Variants in NMRK1 observed in about 807,000 individuals in gnomAD.
NMRK1 encodes NRK 1.
In NMRK1, 28 loss-of-function variants were observed where a neutral mutation model predicts 29.9. That is an observed-to-expected ratio of 0.94 (90% CI 0.69 to 1.28). NMRK1 has a LOEUF of 1.28. Among genes scored for constraint, NMRK1 ranks in the 50% most tolerant of loss-of-function variants. The probability of loss-of-function intolerance (pLI) is 0.00; values close to 1 mark genes in which losing one functional copy is unlikely to be tolerated. For synonymous variants in NMRK1, 58 were observed against 73.0 expected, an observed-to-expected ratio of 0.79 and a Z score of 1.05; for missense variants, 218 against 233.1, an observed-to-expected ratio of 0.94 and a Z score of 0.42.
At chr9:75,080,603 G>A (rs1007371461) in intron 2 of NMRK1, among the ~76,000 whole-genome samples, 3 of 152,186 alleles carry the variant, frequency 2.0e-5, no homozygotes, top group Non-Finnish European at 4.4e-5. Context: ...AGTGAGCCGA[G>A]ATTGCACCAC....
chr9:75,068,895 C>T, intron 7 of NMRK1, 101 bp downstream of exon 7: 1 of 717,442 alleles, frequency 1.4e-6, no homozygotes, highest in South Asian at 1.9e-5. Context: ...AGTGTTCTTG[C>T]TTAAGCATCC....
At chr9:75,068,954 G>T (rs1405566465) in intron 7 of NMRK1, 42 bp downstream of exon 7, 7 of 1,341,070 alleles carry the variant, frequency 5.2e-6, no homozygotes, top group Non-Finnish European at 7.5e-6. Context: ...TGAGGCAAAT[G>T]ACAAGTAAAA....
At chr9:75,085,076 T>G (rs1824540609) in intron 1 of NMRK1, among the ~76,000 whole-genome samples, 1 of 152,228 alleles carries the variant, frequency 6.6e-6, no homozygotes, top group Non-Finnish European at 1.5e-5. Flanking sequence ...GTTCTTTCTC[T>G]TACAAAACTA....
Position 75,066,755 on chromosome 9 carries a change from A to C in NMRK1, c.580+2T>G. The C allele has an allele frequency of 6.5e-7, 1 of 1,542,800 alleles. No homozygotes were observed. The highest frequency in any genetic ancestry group is 9.0e-7 in the Non-Finnish European group (1 of 1,115,132). ...CATCCACTTTGTTAGCACAATACTTACACTTTTGCTTTGCTAGTTCTTGTA... is the reference window on the plus strand; with the variant it reads ...CATCCACTTTGTTAGCACAATACTTCCACTTTTGCTTTGCTAGTTCTTGTA... On this transcript the variant is annotated splice_donor_variant, in intron 8 of 8. Transcript: ENST00000361092. LOFTEE classifies it high-confidence loss of function.
intron 3 of NMRK1, 140 bp from the exon 4 acceptor site, chr9:75,077,347 T>C (rs1332451995): frequency 3.6e-6 from 3 of 838,226 alleles, no homozygotes; most frequent in Non-Finnish European, 5.9e-6. Flanking sequence ...TGCCATCTAG[T>C]GGATAAGTAA....
At chr9:75,082,446 A>G (rs897308483) in intron 2 of NMRK1, among the ~76,000 whole-genome samples, 3 of 152,254 alleles carry the variant, frequency 2.0e-5, no homozygotes, top group Admixed American at 2.0e-4. Flanking sequence ...TAATTGGGTC[A>G]CAAACAATGT....
At chr9:75,067,957 C>T (rs1454886865) in intron 7 of NMRK1, among the ~76,000 whole-genome samples, 2 of 152,200 alleles carry the variant, frequency 1.3e-5, no homozygotes, top group Non-Finnish European at 2.9e-5. Context: ...GTGCCCTATT[C>T]CAGTGATCTG....
intron 3 of NMRK1, 53 bp from the exon 4 acceptor site, chr9:75,077,260 C>G: frequency 8.4e-7 from 1 of 1,193,976 alleles, no homozygotes; most frequent in Non-Finnish European, 1.2e-6. Context: ...AGAAATAATA[C>G]AATTATAGAC....
chr9:75,066,009 A>C (rs1823317074), intron 8 of NMRK1, among the ~76,000 whole-genome samples: 2 of 152,154 alleles, frequency 1.3e-5, no homozygotes, highest in African/African-American at 4.8e-5. Flanking sequence ...ATAAACCCTA[A>C]ATAGAAAGTA....
chr9:75,062,437 GGTCAAT>G (rs1823077209), intron 8 of NMRK1, among the ~76,000 whole-genome samples: 1 of 151,882 alleles, frequency 6.6e-6, no homozygotes, highest in African/African-American at 2.4e-5. Flanking sequence ...TGTACTAAAG[GGTCAAT>G]GTCAAGTCTT....
At chr9:75,080,467 C>T (rs1458250249) in intron 2 of NMRK1, among the ~76,000 whole-genome samples, 1 of 152,162 alleles carries the variant, frequency 6.6e-6, no homozygotes, top group East Asian at 1.9e-4. Context: ...GCCTGGTCAA[C>T]ATGGTGAAAC....
chr9:75,074,910 G>A (rs1422601136), intron 4 of NMRK1, among the ~76,000 whole-genome samples: 1 of 152,150 alleles, frequency 6.6e-6, no homozygotes, highest in Non-Finnish European at 1.5e-5. Flanking sequence ...TGAGATGCTT[G>A]AAGTCATGGC....
chr9:75,079,277 G>C (rs146283049), intron 2 of NMRK1, among the ~76,000 whole-genome samples: 153 of 152,298 alleles, frequency 1.0e-3, no homozygotes, highest in African/African-American at 3.6e-3. Context: ...AAGTGAGTGG[G>C]TGCTACCCTA....
chr9:75,077,779 G>A (rs1389384247), intron 2 of NMRK1, among the ~76,000 whole-genome samples, 199 bp from the exon 3 acceptor site: 1 of 152,084 alleles, frequency 6.6e-6, no homozygotes, highest in Admixed American at 6.5e-5. Flanking sequence ...GGGATTACAG[G>A]TGCCCGCCAC....
intron 2 of NMRK1, among the ~76,000 whole-genome samples, chr9:75,078,166 T>C (rs1184343854): frequency 6.6e-6 from 1 of 152,164 alleles, no homozygotes; most frequent in African/African-American, 2.4e-5. Flanking sequence ...AGCAAAATTT[T>C]TTTTGCCTAT....
intron 4 of NMRK1, among the ~76,000 whole-genome samples, chr9:75,073,340 C>G (rs528759794): frequency 6.6e-6 from 1 of 152,328 alleles, no homozygotes; most frequent in East Asian, 1.9e-4. Flanking sequence ...TCTCAGACTT[C>G]TGGCCTCTTG....
intron 1 of NMRK1, among the ~76,000 whole-genome samples, chr9:75,085,427 G>A (rs565235110): frequency 6.6e-6 from 1 of 152,316 alleles, no homozygotes; most frequent in South Asian, 2.1e-4. Context: ...TGTTAGGTAT[G>A]TGCTAGCTTA....
At chr9:75,076,395 G>C (rs954865146) in intron 4 of NMRK1, among the ~76,000 whole-genome samples, 5 of 152,148 alleles carry the variant, frequency 3.3e-5, no homozygotes, top group African/African-American at 1.2e-4. Context: ...TGAAGATAGA[G>C]AGTAGACTGG....
chr9:75,076,571 T>C (rs1239458966), intron 4 of NMRK1, among the ~76,000 whole-genome samples: 1 of 152,236 alleles, frequency 6.6e-6, no homozygotes, highest in Admixed American at 6.5e-5. Context: ...TTCAGTGTTT[T>C]CAGTTTTATT....
Sources: allele counts gnomAD v4.1 joint callset (sites outside exome capture counted in the v4.1 genomes callset), GRCh38; gene constraint gnomAD v4.1.1; transcripts MANE v1.5; gene names NCBI Gene and HGNC (gene_info 2026-07-23, HGNC 2026-07-21).